Variants in TMEM116 observed in about 807,000 individuals in gnomAD.
TMEM116 encodes the protein transmembrane protein 116.
In TMEM116, 38 loss-of-function variants were observed where a neutral mutation model predicts 44.3. That is an observed-to-expected ratio of 0.86 (90% confidence interval 0.66 to 1.12). The LOEUF (loss-of-function observed/expected upper bound fraction) is 1.12, where lower values mean the gene tolerates loss of function less well. Ranked by LOEUF, TMEM116 falls within the 50% of genes most tolerant of loss-of-function variation. TMEM116 has a pLI of 0.00. For synonymous variants in TMEM116, 132 were observed against 144.8 expected (o/e 0.91, Z 0.64); for missense variants, 354 against 401.7 (o/e 0.88, Z 1.01).
intron 1 of TMEM116, among the ~76,000 whole-genome samples, chr12:112,008,623 C>T (rs2077695840): frequency 6.6e-6 from 1 of 152,154 alleles, no homozygotes; most frequent in Non-Finnish European, 1.5e-5. Flanking sequence ...AGGAAAGACA[C>T]TTGCCTTTGT....
At chr12:111,959,165 C>T (rs1170624326) in intron 4 of TMEM116, among the ~76,000 whole-genome samples, 8 of 152,200 alleles carry the variant, frequency 5.3e-5, no homozygotes, top group African/African-American at 9.7e-5. Context: ...AGAAACCCTA[C>T]AAGCTAGAAG....
chr12:111,993,798 A>C lies in TMEM116; in HGVS notation c.79-1909T>G, dbSNP rs1418708540. ...CATTTGTAGCAGGTTACATACCTGGAGTGTTTTGTGCAATTGTTTCTCACC... is the reference window on the plus strand; with the variant it reads ...CATTTGTAGCAGGTTACATACCTGGCGTGTTTTGTGCAATTGTTTCTCACC... On this transcript the variant is annotated intron_variant, in intron 3 of 10. Coordinates refer to ENST00000552374, the MANE Select transcript of TMEM116 (RefSeq NM_001193531.2). 3 of 738,526 alleles carry C rather than the reference A, an allele frequency of 4.1e-6. No individual in the cohort carries two copies. The Admixed American group carries it at 5.2e-5, about 13-fold the overall frequency. 45.7% of individuals were successfully genotyped at this position (738,526 alleles called of 1,614,324 possible).
At chr12:111,952,475 G>T (rs1300258946) in intron 4 of TMEM116, among the ~76,000 whole-genome samples, 5 of 152,234 alleles carry the variant, frequency 3.3e-5, no homozygotes. Flanking sequence ...AGAGGTCTGT[G>T]ATGGTTAATA....
At chr12:111,980,001 C>T (rs1397127525) in intron 4 of TMEM116, among the ~76,000 whole-genome samples, 1 of 152,248 alleles carries the variant, frequency 6.6e-6, no homozygotes, top group East Asian at 1.9e-4. Context: ...GGTACAGCCA[C>T]TTTGGAAGAC....
At position 112,013,165 on chromosome 12, in the gene TMEM116, T is replaced by G; in HGVS notation, c.-197A>C. ...TCCTCAAGCGGAGCAGGAACGGAAC[T>G]GGGCGGACCCGCCGGAAGACTCGGC... On this transcript the variant is annotated 5_prime_UTR_variant, in exon 1 of 11. Coordinates refer to ENST00000552374, the MANE Select transcript of TMEM116 (RefSeq NM_001193531.2). 1 of 388,008 alleles carries G rather than the reference T, an allele frequency of 2.6e-6. No individual in the cohort carries two copies. The highest frequency in any genetic ancestry group is 4.7e-6 in the Non-Finnish European group (1 of 213,880). 24.0% of individuals were successfully genotyped at this position (388,008 alleles called of 1,614,324 possible). A position where few individuals can be genotyped will look rare whatever the true frequency, so the allele number is the denominator to read the frequency against.
At chr12:111,963,883 T>C (rs1346554726) in intron 4 of TMEM116, among the ~76,000 whole-genome samples, 2 of 152,308 alleles carry the variant, frequency 1.3e-5, no homozygotes, top group East Asian at 3.9e-4. Context: ...TTAAATTTAC[T>C]AATTTAAAGA....
chr12:111,971,847 T>C (rs999780453), intron 4 of TMEM116, among the ~76,000 whole-genome samples: 2 of 151,886 alleles, frequency 1.3e-5, no homozygotes, highest in African/African-American at 4.8e-5. Flanking sequence ...GGCTCACTTG[T>C]GTAAGGATTG....
chr12:112,004,692 G>T (rs2136726560), intron 2 of TMEM116, among the ~76,000 whole-genome samples: 1 of 151,250 alleles, frequency 6.6e-6, no homozygotes, highest in South Asian at 2.1e-4. Flanking sequence ...ATAGGGTCTT[G>T]CTCTGTCAAC....
At chr12:111,947,227 A>G (rs1383166922) in intron 4 of TMEM116, among the ~76,000 whole-genome samples, 2 of 151,488 alleles carry the variant, frequency 1.3e-5, no homozygotes, top group Middle Eastern at 3.4e-3. Context: ...GGTTAAATAA[A>G]TGATTATTAT....
intron 1 of TMEM116, chr12:112,005,897 G>A: frequency 1.0e-6 from 1 of 974,966 alleles, no homozygotes; most frequent in South Asian, 4.7e-5. Context: ...TGCAGAACAG[G>A]AAAGAAGAAA....
chr12:111,996,678 T>C (rs909907647), intron 3 of TMEM116, among the ~76,000 whole-genome samples: 5 of 152,182 alleles, frequency 3.3e-5, no homozygotes, highest in Admixed American at 6.5e-5. Flanking sequence ...GCTTATGCAT[T>C]TGCGCACCAG....
In TMEM116 at chr12:111,978,374, G is replaced by A. The variant is rs529507419; in HGVS notation, c.210+13384C>T. On this transcript the variant is annotated intron_variant, in intron 4 of 10. Coordinates refer to ENST00000552374, the MANE Select transcript of TMEM116 (RefSeq NM_001193531.2). The stretch of plus-strand genomic sequence containing the variant: ...CAAGATCACAGCACTGCACTTCTGG[G>A]CGACAGAGTGAGACTTCATTTCAAA... 2.6e-5 allele frequency among the ~76,000 whole-genome samples: 4 copies of A among 151,368 alleles called. No individual in the cohort carries two copies. In the South Asian group the frequency reaches 8.4e-4, roughly 32 times the overall value.
chr12:111,951,172 G>C (rs2136315637), intron 4 of TMEM116, among the ~76,000 whole-genome samples: 1 of 152,328 alleles, frequency 6.6e-6, no homozygotes, highest in South Asian at 2.1e-4. Context: ...CACCACAGAT[G>C]CTGGTGAGGT....
intron 4 of TMEM116, among the ~76,000 whole-genome samples, chr12:111,972,601 G>A (rs190567416): frequency 4.6e-5 from 7 of 152,172 alleles, no homozygotes; most frequent in East Asian, 1.9e-4. Context: ...AAGTCTTGCC[G>A]GGTGTGGTGG....
chr12:111,962,198 T>C (rs1339274786), intron 4 of TMEM116, among the ~76,000 whole-genome samples: 2 of 152,210 alleles, frequency 1.3e-5, no homozygotes, highest in Non-Finnish European at 2.9e-5. Flanking sequence ...CATTCCATGT[T>C]CATGGATAGG....
intron 4 of TMEM116, among the ~76,000 whole-genome samples, chr12:111,987,870 T>A (rs2076313471): frequency 1.3e-5 from 2 of 152,178 alleles, no homozygotes; most frequent in African/African-American, 2.4e-5. Flanking sequence ...TATTTGTACA[T>A]CAATGTTAAT....
chr12:111,939,527 G>A (rs1275576720), intron 5 of TMEM116, among the ~76,000 whole-genome samples: 1 of 151,056 alleles, frequency 6.6e-6, no homozygotes, highest in Non-Finnish European at 1.5e-5. Flanking sequence ...GCCTAACACA[G>A]TGGCTCACAT....
intron 2 of TMEM116, 119 bp downstream of exon 2, chr12:112,005,138 A>G: frequency 1.7e-6 from 1 of 597,572 alleles, no homozygotes; most frequent in Non-Finnish European, 2.7e-6. Context: ...ATGATAAAGA[A>G]TATCATTTCT....
chr12:111,993,687 C>T, intron 3 of TMEM116: 1 of 609,914 alleles, frequency 1.6e-6, no homozygotes, highest in Admixed American at 2.0e-5. Flanking sequence ...AGTTTGCCTG[C>T]TTTTAAGGTA....
Sources: allele counts gnomAD v4.1 joint callset (sites outside exome capture counted in the v4.1 genomes callset), GRCh38; gene constraint gnomAD v4.1.1; transcripts MANE v1.5; gene names NCBI Gene and HGNC (gene_info 2026-07-23, HGNC 2026-07-21).